Variants in PHETA1 observed in about 807,000 individuals in gnomAD.
The protein encoded by PHETA1 is sesquipedalian-1.
For synonymous variants in PHETA1, 155 were observed against 168.9 expected (o/e 0.92, Z 0.64); for missense variants, 348 against 373.5 (o/e 0.93, Z 0.56).
Position 111,361,402 on chromosome 12 carries a change from G to A in PHETA1, c.*1276C>T, listed in dbSNP as rs145836961. On this transcript the variant is annotated 3_prime_UTR_variant, in exon 3 of 3. Transcript: ENST00000683047. Reference sequence around the variant, plus strand: ...ACAGAAGGAAGGGGTTTTGGGCTGAGTCTGTCACCAAGAGGCAGCGTTTGG... The same window carrying A: ...ACAGAAGGAAGGGGTTTTGGGCTGAATCTGTCACCAAGAGGCAGCGTTTGG... 1.9e-5 allele frequency: 3 copies of A among 156,858 alleles called. No homozygotes were observed. The highest frequency in any genetic ancestry group is 2.4e-5 in the African/African-American group (1 of 41,602). 9.7% of individuals were successfully genotyped at this position (156,858 alleles called of 1,614,324 possible).
In PHETA1 at chr12:111,363,130, C is replaced by A. The variant is rs747083155; in HGVS notation, c.298G>T (p.Ala100Ser). Residue 100 changes from alanine to serine, a missense_variant, in exon 3 of 3, where the codon GCC becomes TCC. By Grantham distance (99) the Ala-to-Ser change is moderately conservative (BLOSUM62 1). Transcript: ENST00000683047. The surrounding 1 kb of genome is among the most constrained non-coding windows in gnomAD (Gnocchi z 7.4). ...AGGGCCTTGACCCAGCCCTCCATGGCATCCTGACTCTCAGCGGCCAGCACG... is the reference window on the plus strand; with the variant it reads ...AGGGCCTTGACCCAGCCCTCCATGGAATCCTGACTCTCAGCGGCCAGCACG... ...TYVLAAESQD[A>S]MEGWVKALSR... 6.2e-7 allele frequency: 1 copy of A among 1,608,756 alleles called. No homozygotes were observed. The highest frequency in any genetic ancestry group is 8.5e-7 in the Non-Finnish European group (1 of 1,179,390).
rs1869152850 is a variant in PHETA1 at position 111,368,334 on chromosome 12, C to T, written c.-182+578G>A. Among the ~76,000 whole-genome samples the T allele has an allele frequency of 6.6e-6, 1 of 152,164 alleles. No individual in the cohort carries two copies. Among genetic ancestry groups the T allele is most frequent in the South Asian group, 2.1e-4 (1 of 4,828 alleles). ...CATGGCATTTTGGCACTCACATCAA[C>T]GAAAAGAAGCCAGTACCGCAGGTCC... On this transcript the variant is annotated intron_variant, in intron 1 of 2. Coordinates refer to ENST00000683047, the MANE Select transcript of PHETA1 (RefSeq NM_144671.6). The surrounding 1 kb of genome is among the most constrained non-coding windows in gnomAD (Gnocchi z 5.0).
rs1236344797 is a variant in PHETA1, at chr12:111,362,887, G to T, written c.541C>A (p.Leu181Ile). The change falls in exon 3 of 3, where the codon CTC (leucine) becomes ATC (isoleucine). Residue 181 changes from leucine (L) to isoleucine (I), a missense_variant. Transcript: ENST00000683047. ...GCGCAGCCATTCTCCTTGGGCGGGA[G>T]GGCACTGGGCCGGCGGGGCAGGGGC... ...ALPLPRRPSA[L>I]PPKENGCAVW... 8 of 1,527,226 alleles carry T rather than the reference G, an allele frequency of 5.2e-6. No individual in the cohort carries two copies. The highest frequency in any genetic ancestry group is 7.0e-6 in the Non-Finnish European group (8 of 1,141,352). 94.6% of individuals were successfully genotyped at this position (1,527,226 alleles called of 1,614,324 possible). A position where few individuals can be genotyped will look rare whatever the true frequency, so the allele number is the denominator to read the frequency against.
chr12:111,363,947 C>A lies in PHETA1; in HGVS notation c.-36-484G>T, dbSNP rs995301631. ...TCATCCCAAGAACAAGACCAGCTGG[C>A]CTTCTGCAGTCCCTGCCAGGTCCCA... On this transcript the variant is annotated intron_variant, in intron 2 of 2. Transcript: ENST00000683047. This position sits in a 1 kb window ranked among gnomAD's most constrained non-coding sequence, Gnocchi z 7.4. 1.3e-5 allele frequency among the ~76,000 whole-genome samples: 2 copies of A among 152,210 alleles called. No individual in the cohort carries two copies. The highest frequency in any genetic ancestry group is 2.4e-5 in the African/African-American group (1 of 41,450).
At position 111,363,177 on chromosome 12, in the gene PHETA1, G is replaced by A. The variant is rs755029295; in HGVS notation, c.251C>T (p.Ala84Val). The change falls in exon 3 of 3, where the codon GCG (alanine) becomes GTG (valine). Residue 84 changes from alanine (A) to valine (V), a missense_variant. Coordinates refer to ENST00000683047, the MANE Select transcript of PHETA1 (RefSeq NM_144671.6). The surrounding 1 kb of genome is among the most constrained non-coding windows in gnomAD (Gnocchi z 7.4). ...CACGTAGGTGCGCGCCCGGGTCCCC[G>A]CAAAGCGCACAGCGAAGGCGAACTC... ...AEEFAFAVRF[A>V]GTRARTYVLA... The A allele has an allele frequency of 3.5e-5, 56 of 1,612,296 alleles. No homozygotes were observed. The highest frequency in any genetic ancestry group is 2.5e-4 in the South Asian group (23 of 91,062).
rs528044442 is a variant in PHETA1, at chr12:111,361,500, C to G, written c.*1178G>C. On this transcript the variant is annotated 3_prime_UTR_variant, in exon 3 of 3. Coordinates refer to ENST00000683047, the MANE Select transcript of PHETA1 (RefSeq NM_144671.6). ...GGGCACTGAGGACTGTAAACATGAC[C>G]CAGGGTGAGGGCCAGGAGGTGTCCC... 4.7e-6 allele frequency: 1 copy of G among 212,390 alleles called. No individual in the cohort carries two copies. Among genetic ancestry groups the G allele is most frequent in the African/African-American group, 2.3e-5 (1 of 43,704 alleles). 13.2% of individuals were successfully genotyped at this position (212,390 alleles called of 1,614,324 possible).
At position 111,367,915 on chromosome 12, in the gene PHETA1, A is replaced by G. The variant is rs140949191; in HGVS notation, c.-182+997T>C. ...GGGAGCCTGGCCCAGCTCTGCTCCC[A>G]AGGCAAAGTTCCTGCCTCCGCAGGT... is the stretch of plus-strand genomic sequence containing the variant. On this transcript the variant is annotated intron_variant, in intron 1 of 2. Coordinates refer to ENST00000683047, the MANE Select transcript of PHETA1 (RefSeq NM_144671.6). This position sits in a 1 kb window ranked among gnomAD's most constrained non-coding sequence, Gnocchi z 4.0. Among the ~76,000 whole-genome samples, 7 of 152,388 alleles carry G rather than the reference A, an allele frequency of 4.6e-5. No individual in the cohort carries two copies. The highest frequency in any genetic ancestry group is 1.7e-4 in the African/African-American group (7 of 41,596).
chr12:111,362,527 C>T lies in PHETA1; in HGVS notation c.*151G>A, dbSNP rs751673398. On this transcript the variant is annotated 3_prime_UTR_variant, in exon 3 of 3. Transcript: ENST00000683047. The stretch of plus-strand genomic sequence containing the variant: ...CTCAGAATCCAGCACCTTCTCAGAG[C>T]CTGCATCCCCCAAAACCAGGCCACT... The T allele has an allele frequency of 1.7e-5, 26 of 1,511,280 alleles. No individual in the cohort carries two copies. The African/African-American group carries it at 3.2e-4, about 19-fold the overall frequency. The allele number at this position is 1,511,280 out of a possible 1,614,324, so 93.6% of individuals were successfully genotyped here. A position where few individuals can be genotyped will look rare whatever the true frequency, so the allele number is the denominator to read the frequency against.
In PHETA1 at chr12:111,360,830, C is replaced by T. The variant is rs945734313; in HGVS notation, c.*1848G>A. 1.3e-5 allele frequency: 2 copies of T among 152,760 alleles called. No homozygotes were observed. The highest frequency in any genetic ancestry group is 1.5e-5 in the Non-Finnish European group (1 of 68,148). 9.5% of individuals were successfully genotyped at this position (152,760 alleles called of 1,614,324 possible). A position where few individuals can be genotyped will look rare whatever the true frequency, so the allele number is the denominator to read the frequency against. On this transcript the variant is annotated 3_prime_UTR_variant, in exon 3 of 3. Coordinates refer to ENST00000683047, the MANE Select transcript of PHETA1 (RefSeq NM_144671.6). ...CTCTCTCCCAGGAGACCAGGGCCAA[C>T]GTACCTTGAGAGTCTGTAAACCTAC...
rs1049425592 is a variant in PHETA1, at chr12:111,368,290, G to T, written c.-182+622C>A. 6.6e-6 allele frequency among the ~76,000 whole-genome samples: 1 copy of T among 152,150 alleles called. No individual in the cohort carries two copies. Among genetic ancestry groups the T allele is most frequent in the Non-Finnish European group, 1.5e-5 (1 of 68,014 alleles). ...GGGCACAGCTGGCCCCGGAACCCAG[G>T]TCTCCTGGGAGACTGAAGCATGGCA... On this transcript the variant is annotated intron_variant, in intron 1 of 2. Transcript: ENST00000683047. The surrounding 1 kb of genome is among the most constrained non-coding windows in gnomAD (Gnocchi z 5.0).
rs919874739 is a variant in PHETA1, at chr12:111,363,158, G to A, written c.270C>T (p.Thr90=). 1 of 1,611,412 alleles carries A rather than the reference G, an allele frequency of 6.2e-7. No individual in the cohort carries two copies. Among genetic ancestry groups the A allele is most frequent in the African/African-American group, 1.3e-5 (1 of 74,918 alleles). ...CCTGACTCTCAGCGGCCAGCACGTA[G>A]GTGCGCGCCCGGGTCCCCGCAAAGC... ...AVRFAGTRAR[T]YVLAAESQDA... The change falls in exon 3 of 3, where the codon ACC becomes ACT. Residue 90 remains threonine (T), a synonymous_variant. Transcript: ENST00000683047. The surrounding 1 kb of genome is among the most constrained non-coding windows in gnomAD (Gnocchi z 7.4).
At position 111,361,917 on chromosome 12, in the gene PHETA1, A is replaced by G. The variant is rs1329487349; in HGVS notation, c.*761T>C. On this transcript the variant is annotated 3_prime_UTR_variant, in exon 3 of 3. Coordinates refer to ENST00000683047, the MANE Select transcript of PHETA1 (RefSeq NM_144671.6). ...AAGGATGCAGTCAAGGAGTGTCTGG[A>G]GAGCCCTGTGAGAGCCACCACGGAG... 6.6e-6 allele frequency: 3 copies of G among 456,122 alleles called. No homozygotes were observed. In the Admixed American group the frequency reaches 7.0e-5, roughly 11 times the overall value. The allele number at this position is 456,122 out of a possible 1,614,324, so 28.3% of individuals were successfully genotyped here.
In PHETA1 at chr12:111,363,267, C is replaced by A. The variant is rs770788215; in HGVS notation, c.161G>T (p.Ser54Ile). 5.0e-6 allele frequency: 8 copies of A among 1,613,050 alleles called. No individual in the cohort carries two copies. The Admixed American group carries it at 1.2e-4, about 24-fold the overall frequency. ...NMLFYFEDAA[S>I]REPVGVIILE... ...GATGATGACGCCCACGGGCTCACGG[C>A]TGGCAGCGTCCTCGAAGTAGAAGAG... The change falls in exon 3 of 3, where the codon AGC becomes ATC. Residue 54 changes from serine to isoleucine, a missense_variant. Ser to Ile is a moderately radical substitution (Grantham distance 142). Transcript: ENST00000683047. This position sits in a 1 kb window ranked among gnomAD's most constrained non-coding sequence, Gnocchi z 7.4.
In PHETA1 at chr12:111,363,409, T is replaced by C. The variant is rs1181516352; in HGVS notation, c.19A>G (p.Ser7Gly). Residue 7 changes from serine (S) to glycine (G), a missense_variant, in exon 3 of 3, where the codon AGC (serine) becomes GGC (glycine). Ser to Gly is a moderately conservative substitution (Grantham distance 56). Coordinates refer to ENST00000683047, the MANE Select transcript of PHETA1 (RefSeq NM_144671.6). This position sits in a 1 kb window ranked among gnomAD's most constrained non-coding sequence, Gnocchi z 7.4. MKLNER[S>G]LAFYATCDAP... ...TCACAGGTGGCGTAGAAGGCCAGGCTGCGCTCGTTCAGCTTCATGGTGGCA... is the reference window on the plus strand; with the variant it reads ...TCACAGGTGGCGTAGAAGGCCAGGCCGCGCTCGTTCAGCTTCATGGTGGCA... 1.8e-5 allele frequency: 29 copies of C among 1,611,414 alleles called. No individual in the cohort carries two copies. The highest frequency in any genetic ancestry group is 2.4e-5 in the Non-Finnish European group (28 of 1,178,898).
At position 111,363,561 on chromosome 12, in the gene PHETA1, CAGATG is replaced by C; in HGVS notation, c.-36-103_-36-99del. ...GCAGCCACTCTACATCCCCGTTTCA[CAGATG>C]AGGAAACTGACGCTCATAGGGTGGA... On this transcript the variant is annotated intron_variant, in intron 2 of 2. Transcript: ENST00000683047. This position sits in a 1 kb window ranked among gnomAD's most constrained non-coding sequence, Gnocchi z 7.4. 1 of 1,530,612 alleles carries C rather than the reference CAGATG, an allele frequency of 6.5e-7. No homozygotes were observed. The highest frequency in any genetic ancestry group is 1.2e-5 in the South Asian group (1 of 83,156). The allele number at this position is 1,530,612 out of a possible 1,614,324, so 94.8% of individuals were successfully genotyped here.
rs1428057048 is a variant in PHETA1 at position 111,362,516 on chromosome 12, C to G, written c.*162G>C. 6.7e-7 allele frequency: 1 copy of G among 1,499,780 alleles called. No homozygotes were observed. Among genetic ancestry groups the G allele is most frequent in the South Asian group, 1.3e-5 (1 of 78,816 alleles). The allele number at this position is 1,499,780 out of a possible 1,614,324, so 92.9% of individuals were successfully genotyped here. A position where few individuals can be genotyped will look rare whatever the true frequency, so the allele number is the denominator to read the frequency against. ...CTAAAGGCCCACTCAGAATCCAGCA[C>G]CTTCTCAGAGCCTGCATCCCCCAAA... On this transcript the variant is annotated 3_prime_UTR_variant, in exon 3 of 3. Coordinates refer to ENST00000683047, the MANE Select transcript of PHETA1 (RefSeq NM_144671.6).
chr12:111,363,625 A>T lies in PHETA1; in HGVS notation c.-36-162T>A. 1 of 1,534,750 alleles carries T rather than the reference A, an allele frequency of 6.5e-7. No homozygotes were observed. The highest frequency in any genetic ancestry group is 8.7e-7 in the Non-Finnish European group (1 of 1,146,540). ...GCCTATGCGCCCACAACTCCTAAGA[A>T]GCAGAGACAGGACTGGAACCTGGGT... On this transcript the variant is annotated intron_variant, in intron 2 of 2. Transcript: ENST00000683047. The surrounding 1 kb of genome is among the most constrained non-coding windows in gnomAD (Gnocchi z 7.4).
intron 2 of PHETA1, chr12:111,365,453 G>C (rs543608326): frequency 1.5e-4 from 69 of 455,580 alleles, no homozygotes; most frequent in South Asian, 9.6e-4. Context: ...TAGGCAGTCA[G>C]GGAAGGCTTC....
intron 2 of PHETA1, among the ~76,000 whole-genome samples, chr12:111,364,263 C>A (rs1395252383): frequency 6.6e-6 from 1 of 151,692 alleles, no homozygotes; most frequent in Non-Finnish European, 1.5e-5. Context: ...AGGAGAATCA[C>A]CTAAACCCAG....
Sources: gnomAD v4.1 joint callset for allele counts (sites outside exome capture counted in the v4.1 genomes callset) on GRCh38, gnomAD v4.1.1 for gene constraint, Gnocchi (gnomAD v3.1) non-coding constraint, MANE v1.5 for transcripts, NCBI Gene and HGNC (gene_info 2026-07-23, HGNC 2026-07-21) for gene names.